TMEM132C: variants seen among roughly 807,000 people sequenced by gnomAD.
TMEM132C encodes transmembrane protein 132C, also known as protein phosphatase 1, regulatory subunit 152.
In TMEM132C, 29 loss-of-function variants were observed where a neutral mutation model predicts 61.4. The ratio of observed to expected loss-of-function variants is 0.47; its 90% CI spans 0.35 to 0.64. The LOEUF (loss-of-function observed/expected upper bound fraction) is 0.64. Among genes scored for constraint, TMEM132C ranks in the 30% least tolerant of loss-of-function variants. The probability of loss-of-function intolerance (pLI) is 0.00; values close to 1 mark genes in which losing one functional copy is unlikely to be tolerated. For synonymous variants in TMEM132C, 656 were observed against 633.1 expected, an observed-to-expected ratio of 1.04 and a Z score of -0.54; for missense variants, 1,408 against 1,476.9, an observed-to-expected ratio of 0.95 and a Z score of 0.76.
At chr12:128,553,022 G>T (rs1349219486) in intron 3 of TMEM132C, among the ~76,000 whole-genome samples, 1 of 152,256 alleles carries the variant, frequency 6.6e-6, no homozygotes, top group African/African-American at 2.4e-5. Flanking sequence ...GTTAGCAGGT[G>T]CAGGGAAGTG....
chr12:128,670,777 C>A (rs1954524614), intron 5 of TMEM132C, among the ~76,000 whole-genome samples: 1 of 152,076 alleles, frequency 6.6e-6, no homozygotes, highest in Non-Finnish European at 1.5e-5. Context: ...ATTGGTTCTG[C>A]CTATTCTAGA....
intron 3 of TMEM132C, among the ~76,000 whole-genome samples, chr12:128,606,426 A>G (rs1258328579): frequency 6.6e-6 from 1 of 152,196 alleles, no homozygotes; most frequent in East Asian, 1.9e-4. Context: ...CGTTTCATCC[A>G]TAGTTTTATT....
intron 3 of TMEM132C, among the ~76,000 whole-genome samples, chr12:128,595,818 A>G (rs1443236550): frequency 2.6e-5 from 4 of 152,238 alleles, no homozygotes; most frequent in African/African-American, 9.6e-5. Flanking sequence ...ACCGTACAGA[A>G]TGGGAAAGAG....
intron 5 of TMEM132C, among the ~76,000 whole-genome samples, chr12:128,681,719 T>A (rs1176279722): frequency 6.6e-6 from 1 of 150,546 alleles, no homozygotes; most frequent in African/African-American, 2.4e-5. Flanking sequence ...AGTGGCATGA[T>A]CTTGGCTCGC....
chr12:128,426,019 C>G (rs993648329), intron 2 of TMEM132C, among the ~76,000 whole-genome samples: 3 of 152,230 alleles, frequency 2.0e-5, no homozygotes, highest in African/African-American at 7.2e-5. Flanking sequence ...TACAGACTGC[C>G]TGACGTGCTT....
At chr12:128,298,413 TTTTAAC>T (rs1871482076) in intron 1 of TMEM132C, among the ~76,000 whole-genome samples, 1 of 150,578 alleles carries the variant, frequency 6.6e-6, no homozygotes, top group South Asian at 2.2e-4. Context: ...TGTTTATTTG[TTTTAAC>T]TTTTTTTTTT....
chr12:128,465,953 G>T (rs145401981), intron 2 of TMEM132C, among the ~76,000 whole-genome samples: 259 of 152,238 alleles, frequency 1.7e-3, no homozygotes, highest in African/African-American at 6.0e-3. Flanking sequence ...TGAAGCACTG[G>T]GAGTGAGGTT....
chr12:128,335,325 C>T (rs537922135), intron 1 of TMEM132C, among the ~76,000 whole-genome samples: 4 of 150,688 alleles, frequency 2.7e-5, no homozygotes, highest in East Asian at 1.9e-4. Flanking sequence ...TTATCAACCT[C>T]GTAATAAATA....
chr12:128,650,751 GGCCCA>G (rs1954260300), intron 4 of TMEM132C, among the ~76,000 whole-genome samples: 1 of 152,052 alleles, frequency 6.6e-6, no homozygotes, highest in Admixed American at 6.6e-5. Context: ...AGTCATTGCT[GGCCCA>G]CATTCATCAG....
At chr12:128,644,052 A>G (rs1432224301) in intron 4 of TMEM132C, among the ~76,000 whole-genome samples, 1 of 152,236 alleles carries the variant, frequency 6.6e-6, no homozygotes, top group Non-Finnish European at 1.5e-5. Context: ...ACAATGAAAT[A>G]TCGCCTCCCA....
rs59362697 is a variant in TMEM132C at position 128,542,859 on chromosome 12, CAAAAAAAAA to C, written c.975-1083_975-1075del. 1.6e-4 allele frequency among the ~76,000 whole-genome samples: 13 copies of C among 81,556 alleles called. No homozygotes were observed. The South Asian group carries it at 1.6e-3, about 10-fold the overall frequency. The allele number at this position is 81,556 out of a possible 152,430, so 53.5% of individuals were successfully genotyped here. ...CTAGCGACAGAACAATACTTCGATG[CAAAAAAAAA>C]AAAAAAAAAAAAAATGTGCTGGGAT... is the stretch of plus-strand genomic sequence containing the variant. On this transcript the variant is annotated intron_variant, in intron 2 of 8. Transcript: ENST00000435159.
At position 128,293,580 on chromosome 12, in the gene TMEM132C, A is replaced by C. The variant is rs566355033; in HGVS notation, c.85+26093A>C. 1.7e-3 allele frequency among the ~76,000 whole-genome samples: 257 copies of C among 152,236 alleles called. 3 individuals carry two copies. Among genetic ancestry groups the C allele is most frequent in the Middle Eastern group, 6.8e-3 (2 of 294 alleles). ...TTTTATTTTATTTTGCTGGGGGATA[A>C]AGATAAAGATGATTGAACTTGTTTT... On this transcript the variant is annotated intron_variant, in intron 1 of 8. Coordinates refer to ENST00000435159, the MANE Select transcript of TMEM132C (RefSeq NM_001136103.3).
intron 2 of TMEM132C, among the ~76,000 whole-genome samples, chr12:128,454,967 G>T (rs1870295169): frequency 6.6e-6 from 1 of 152,186 alleles, no homozygotes; most frequent in African/African-American, 2.4e-5. Context: ...GGGTTGACTT[G>T]CCTGTGGGCA....
At chr12:128,371,430 A>G (rs1340071278) in intron 1 of TMEM132C, among the ~76,000 whole-genome samples, 1 of 152,168 alleles carries the variant, frequency 6.6e-6, no homozygotes, top group Non-Finnish European at 1.5e-5. Flanking sequence ...AATCAGACCA[A>G]TCAGAGCCAA....
intron 1 of TMEM132C, among the ~76,000 whole-genome samples, chr12:128,317,090 T>C (rs1872177255): frequency 6.6e-6 from 1 of 152,230 alleles, no homozygotes; most frequent in Admixed American, 6.5e-5. Flanking sequence ...TTAATTCCCA[T>C]GTGGGACTTT....
At position 128,324,010 on chromosome 12, in the gene TMEM132C, C is replaced by G. The variant is rs35650277; in HGVS notation, c.85+56523C>G. 7.7e-3 allele frequency among the ~76,000 whole-genome samples: 1,165 copies of G among 152,230 alleles called. 10 individuals are homozygous for G. The highest frequency in any genetic ancestry group is 0.031 in the South Asian group (149 of 4,814). Reference sequence around the variant, plus strand: ...GTCTTTGCTTAAAATGCAGTCGTTTCAATAAAGGGACAGATCTCAGTAAAG... The same window carrying G: ...GTCTTTGCTTAAAATGCAGTCGTTTGAATAAAGGGACAGATCTCAGTAAAG... On this transcript the variant is annotated intron_variant, in intron 1 of 8. Transcript: ENST00000435159.
At chr12:128,402,062 G>C (rs567824738) in intron 1 of TMEM132C, among the ~76,000 whole-genome samples, 2 of 152,256 alleles carry the variant, frequency 1.3e-5, no homozygotes, top group Admixed American at 1.3e-4. Flanking sequence ...CCTGTAGAGG[G>C]AGACAGGAAG....
At chr12:128,652,230 C>G (rs971945428) in intron 4 of TMEM132C, among the ~76,000 whole-genome samples, 1 of 152,158 alleles carries the variant, frequency 6.6e-6, no homozygotes, top group East Asian at 1.9e-4. Context: ...ACCCCATCCT[C>G]GTCTGCACAT....
In TMEM132C at chr12:128,314,035, T is replaced by TG. The variant is rs555227370; in HGVS notation, c.85+46551dup. The stretch of plus-strand genomic sequence containing the variant: ...ATCACTCACAGCTGAGAAGAAAGGG[T>TG]GGGAAACCCTAGAAATGGTTAGGGT... On this transcript the variant is annotated intron_variant, in intron 1 of 8. Coordinates refer to ENST00000435159, the MANE Select transcript of TMEM132C (RefSeq NM_001136103.3). Among the ~76,000 whole-genome samples, 469 of 152,210 alleles carry TG rather than the reference T, an allele frequency of 3.1e-3. 2 individuals are homozygous for TG. The highest frequency in any genetic ancestry group is 3.6e-3 in the Non-Finnish European group (247 of 68,000).
Sources: allele counts gnomAD v4.1 joint callset (sites outside exome capture counted in the v4.1 genomes callset), GRCh38; gene constraint gnomAD v4.1.1; transcripts MANE v1.5; gene names NCBI Gene and HGNC (gene_info 2026-07-23, HGNC 2026-07-21).